Variants in RGS12 observed in about 807,000 individuals in gnomAD.
The protein encoded by RGS12 is regulator of G protein signaling 12, also known as regulator of G-protein signaling 12.
A neutral mutation model predicts 120.1 loss-of-function variants in RGS12; 66 were observed. That is an observed-to-expected ratio of 0.55 (90% CI 0.45 to 0.67). The LOEUF (loss-of-function observed/expected upper bound fraction) is 0.67. Among genes scored for constraint, RGS12 ranks in the 30% least tolerant of loss-of-function variants. The probability of loss-of-function intolerance (pLI) is 0.00; values close to 1 mark genes in which losing one functional copy is unlikely to be tolerated. For synonymous variants in RGS12, 827 were observed against 804.7 expected, an observed-to-expected ratio of 1.03 and a Z score of -0.47; for missense variants, 1,859 against 1,957.7, an observed-to-expected ratio of 0.95 and a Z score of 0.95.
intron 9 of RGS12, chr4:3,420,283 C>G: frequency 3.3e-6 from 1 of 307,330 alleles, no homozygotes; most frequent in South Asian, 3.5e-5. Flanking sequence ...AGGAAAGGCC[C>G]TTACCGGGAC....
At chr4:3,307,332 G>A (rs1466774206) in intron 1 of RGS12, among the ~76,000 whole-genome samples, 2 of 152,238 alleles carry the variant, frequency 1.3e-5, no homozygotes, top group Non-Finnish European at 2.9e-5. Flanking sequence ...TGTGCACACG[G>A]CATGAGGTCC....
chr4:3,434,725 G>C (rs1295954730), intron 17 of RGS12, among the ~76,000 whole-genome samples: 3 of 152,198 alleles, frequency 2.0e-5, no homozygotes, highest in African/African-American at 7.2e-5. Context: ...TTCTGTACGC[G>C]CCATCTTAAA....
At chr4:3,431,123 G>A in intron 17 of RGS12, 168 bp downstream of exon 17, 1 of 1,435,250 alleles carries the variant, frequency 7.0e-7, no homozygotes, top group East Asian at 2.5e-5. Context: ...GAAAGGAGGG[G>A]CTCGTGTGGC....
chr4:3,432,837 G>A (rs1724454334), intron 17 of RGS12, among the ~76,000 whole-genome samples: 1 of 152,228 alleles, frequency 6.6e-6, no homozygotes. Flanking sequence ...GTGAGTGGGA[G>A]AAGGAGGTGG....
At chr4:3,408,924 G>A (rs1721436754) in intron 4 of RGS12, among the ~76,000 whole-genome samples, 1 of 152,200 alleles carries the variant, frequency 6.6e-6, no homozygotes, top group African/African-American at 2.4e-5. Flanking sequence ...AAGGGGGCGT[G>A]GCTCTCACCC....
intron 3 of RGS12, among the ~76,000 whole-genome samples, chr4:3,344,429 C>T (rs1430234028): frequency 6.6e-6 from 1 of 152,206 alleles, no homozygotes; most frequent in African/African-American, 2.4e-5. Context: ...TTGGCTCATA[C>T]TGCCATGCTG....
At chr4:3,378,934 C>T (rs748828447) in intron 3 of RGS12, among the ~76,000 whole-genome samples, 1 of 152,012 alleles carries the variant, frequency 6.6e-6, no homozygotes, top group Non-Finnish European at 1.5e-5. Context: ...CATAGTTGTG[C>T]TCCCATGTTC....
chr4:3,381,129 C>T (rs10018396), intron 3 of RGS12, among the ~76,000 whole-genome samples: 2,342 of 152,232 alleles, frequency 0.015, 65 homozygotes, highest in African/African-American at 0.054. Flanking sequence ...CCATCAGTCT[C>T]TTTGCTAAAG....
chr4:3,362,660 A>AGTGAGGGTGTGT (rs1715754290), intron 3 of RGS12, among the ~76,000 whole-genome samples: 8 of 91,050 alleles, frequency 8.8e-5, no homozygotes, highest in Admixed American at 8.4e-4. Context: ...TCAGTGTGGG[A>AGTGAGGGTGTGT]CTGAGGCTGA....
chr4:3,421,589 T>C (rs549810572), intron 10 of RGS12, among the ~76,000 whole-genome samples: 3 of 152,240 alleles, frequency 2.0e-5, no homozygotes, highest in Admixed American at 1.3e-4. Context: ...AGGCCCTCAG[T>C]TGCATGGCTG....
chr4:3,369,136 G>A (rs1267565782), intron 3 of RGS12, among the ~76,000 whole-genome samples: 1 of 152,098 alleles, frequency 6.6e-6, no homozygotes, highest in Admixed American at 6.5e-5. Context: ...TGGCTGCCTT[G>A]GGGTGATTCC....
chr4:3,421,164 A>G (rs1279841800), intron 10 of RGS12, among the ~76,000 whole-genome samples: 1 of 151,702 alleles, frequency 6.6e-6, no homozygotes. Flanking sequence ...TCTCACCCAC[A>G]CCCTCTCACA....
chr4:3,319,453 G>T (rs566797503), intron 2 of RGS12, among the ~76,000 whole-genome samples: 1 of 152,172 alleles, frequency 6.6e-6, no homozygotes, highest in Non-Finnish European at 1.5e-5. Flanking sequence ...TTTGGGGACA[G>T]GGTCTGGCTC....
chr4:3,362,829 T>G (rs184167318), intron 3 of RGS12, among the ~76,000 whole-genome samples: 4,239 of 128,826 alleles, frequency 0.033, 199 homozygotes, highest in African/African-American at 0.11. Context: ...GTCAGTGTGT[T>G]TGAGTGTGAG....
chr4:3,340,775 T>TGCAGGCCGGC (rs1324942119), intron 2 of RGS12, among the ~76,000 whole-genome samples: 2 of 152,072 alleles, frequency 1.3e-5, no homozygotes, highest in African/African-American at 4.8e-5. Flanking sequence ...TGCAGGCCGG[T>TGCAGGCCGGC]GCAGGCCAGT....
At position 3,430,484 on chromosome 4, in the gene RGS12, G is replaced by A. The variant is rs1724150534; in HGVS notation, c.3643G>A (p.Val1215Met). The part of the protein sequence containing the change: ...QRGLLRKEDL[V>M]LPEFLRLPPG... Reference sequence around the variant, plus strand: ...TGGGCTGCTAAGGAAGGAAGACCTGGTGTTGCCAGAGTTCCTCCGTTTACC... The same window carrying A: ...TGGGCTGCTAAGGAAGGAAGACCTGATGTTGCCAGAGTTCCTCCGTTTACC... The change falls in exon 17 of 18, where the codon GTG becomes ATG. Residue 1215 changes from valine to methionine, a missense_variant. Physicochemically the swap from Val to Met is conservative, Grantham distance 21 (BLOSUM62 1). Transcript: ENST00000336727. The A allele has an allele frequency of 6.2e-7, 1 of 1,613,884 alleles. No homozygotes were observed.
At position 3,316,082 on chromosome 4, in the gene RGS12, A is replaced by G; in HGVS notation, c.-89A>G. ...TTTTCTTTCTTAGGGCACTGTTTGA[A>G]GAAGCAAACATGGTAGCATCAAGCA... On this transcript the variant is annotated 5_prime_UTR_variant, in exon 2 of 18. Coordinates refer to ENST00000336727, the MANE Select transcript of RGS12 (RefSeq NM_001394154.1). The G allele has an allele frequency of 1.5e-6, 2 of 1,356,068 alleles. No individual in the cohort carries two copies. The highest frequency in any genetic ancestry group is 2.0e-6 in the Non-Finnish European group (2 of 998,622). 84.0% of individuals were successfully genotyped at this position (1,356,068 alleles called of 1,614,324 possible).
chr4:3,315,397 C>T (rs1293074042), intron 1 of RGS12, among the ~76,000 whole-genome samples: 1 of 152,176 alleles, frequency 6.6e-6, no homozygotes, highest in Non-Finnish European at 1.5e-5. Flanking sequence ...GACATTTCTG[C>T]TTTTTTAGGT....
At chr4:3,432,180 G>A (rs1318754904) in intron 17 of RGS12, 2 of 984,758 alleles carry the variant, frequency 2.0e-6, no homozygotes, top group Non-Finnish European at 2.4e-6. Context: ...TCACTGGACT[G>A]GCTTACAACT....
Sources: allele counts gnomAD v4.1 joint callset (sites outside exome capture counted in the v4.1 genomes callset), GRCh38; gene constraint gnomAD v4.1.1; transcripts MANE v1.5; gene names NCBI Gene and HGNC (gene_info 2026-07-23, HGNC 2026-07-21).